Variants in LINS1 observed in about 807,000 individuals in gnomAD.
The protein encoded by LINS1 is lines homolog 1.
LINS1 carries 27 observed loss-of-function variants against 41.6 expected under a neutral mutation model. The ratio of observed to expected loss-of-function variants is 0.65; its 90% CI spans 0.48 to 0.89. The LOEUF is 0.89. Among genes scored for constraint, LINS1 ranks in the 40% least tolerant of loss-of-function variants. The pLI, the probability that LINS1 is intolerant of heterozygous loss-of-function variation, is 0.00. For synonymous variants in LINS1, 336 were observed against 312.9 expected, an observed-to-expected ratio of 1.07 and a Z score of -0.78; for missense variants, 955 against 884.1, an observed-to-expected ratio of 1.08 and a Z score of -1.02.
chr15:100,571,903 G>A lies in LINS1; in HGVS notation c.1385C>T (p.Thr462Ile), dbSNP rs746384358. 4 of 1,614,070 alleles carry A rather than the reference G, an allele frequency of 2.5e-6. No homozygotes were observed. The highest frequency in any genetic ancestry group is 3.4e-6 in the Non-Finnish European group (4 of 1,180,042). Reference sequence around the variant, plus strand: ...TTTAAAATACACTAACCTGGTCAGTGTTAAGTAGATGCCCAGTGATGCCTT... The same window carrying A: ...TTTAAAATACACTAACCTGGTCAGTATTAAGTAGATGCCCAGTGATGCCTT... ...AAKASLGIYL[T>I]LTRGCEATES... The change falls in exon 6 of 7, where the codon ACA becomes ATA. Residue 462 changes from threonine (T) to isoleucine (I), a missense_variant. By Grantham distance (89) the Thr-to-Ile change is moderately conservative (BLOSUM62 -1). Coordinates refer to ENST00000314742, the MANE Select transcript of LINS1 (RefSeq NM_001040616.3).
At chr15:100,595,991 G>C (rs2141359551) in intron 1 of LINS1, among the ~76,000 whole-genome samples, 1 of 152,312 alleles carries the variant, frequency 6.6e-6, no homozygotes, top group African/African-American at 2.4e-5. Flanking sequence ...AAAAGAAGTG[G>C]GGCAGATATC....
rs1322290419 is a variant in LINS1, at chr15:100,573,939, C to T, written c.934G>A (p.Gly312Ser). Reference sequence around the variant, plus strand: ...ACAGATCCACGACAGAGGTCTTCACCCACTTTACAGAGAAGGCACTTTTTG... The same window carrying T: ...ACAGATCCACGACAGAGGTCTTCACTCACTTTACAGAGAAGGCACTTTTTG... ...FLKKCLLCKV[G>S]EDLCRGSVPA... The change falls in exon 5 of 7, where the codon GGT (glycine) becomes AGT (serine). Residue 312 changes from glycine to serine, a missense_variant. Coordinates refer to ENST00000314742, the MANE Select transcript of LINS1 (RefSeq NM_001040616.3). 6 of 1,614,120 alleles carry T rather than the reference C, an allele frequency of 3.7e-6. No individual in the cohort carries two copies. The African/African-American group carries it at 6.7e-5, about 18-fold the overall frequency.
At chr15:100,584,362 A>G (rs1435270853) in intron 1 of LINS1, among the ~76,000 whole-genome samples, 1 of 152,178 alleles carries the variant, frequency 6.6e-6, no homozygotes, top group Non-Finnish European at 1.5e-5. Context: ...CCTAGTTTCA[A>G]CCCATAAAAA....
At chr15:100,577,351 G>A (rs980170760) in intron 3 of LINS1, among the ~76,000 whole-genome samples, 1 of 152,168 alleles carries the variant, frequency 6.6e-6, no homozygotes, top group Non-Finnish European at 1.5e-5. Context: ...AAATCAATGT[G>A]CAAAAATCAC....
In LINS1 at chr15:100,574,878, A is replaced by C. The variant is rs776363397; in HGVS notation, c.631+109T>G. 4.3e-6 allele frequency: 5 copies of C among 1,159,620 alleles called. No individual in the cohort carries two copies. The East Asian group carries it at 1.2e-4, about 27-fold the overall frequency. 71.8% of individuals were successfully genotyped at this position (1,159,620 alleles called of 1,614,324 possible). On this transcript the variant is annotated intron_variant, in intron 4 of 6. Transcript: ENST00000314742. ...TATATTGGAAGAGACTGACTTTTTC[A>C]TTACTTTAAGACAGATCAGATGTTC...
rs151041582 is a variant in LINS1 at position 100,575,510 on chromosome 15, C to A, written c.490-382G>T. ...ATATATGCACCCAATACAAGAGCAC[C>A]CAGATTCATAAAGCAACTCCTTAGA... On this transcript the variant is annotated intron_variant, in intron 3 of 6. Coordinates refer to ENST00000314742, the MANE Select transcript of LINS1 (RefSeq NM_001040616.3). Among the ~76,000 whole-genome samples the A allele has an allele frequency of 7.9e-4, 120 of 152,154 alleles. 1 individual carries two copies. Among genetic ancestry groups the A allele is most frequent in the Middle Eastern group, 3.4e-3 (1 of 294 alleles).
At chr15:100,572,799 A>G in intron 5 of LINS1, 1 of 955,468 alleles carries the variant, frequency 1.0e-6, no homozygotes, top group Non-Finnish European at 1.2e-6. Flanking sequence ...TCTGGAAATT[A>G]TATATGTAAC....
intron 6 of LINS1, among the ~76,000 whole-genome samples, chr15:100,571,351 G>T (rs1253409578): frequency 6.6e-6 from 1 of 152,196 alleles, no homozygotes; most frequent in Non-Finnish European, 1.5e-5. Flanking sequence ...TTTGCCACAA[G>T]AAGATATTAA....
chr15:100,595,239 C>T (rs2039195444), intron 1 of LINS1, among the ~76,000 whole-genome samples: 1 of 151,814 alleles, frequency 6.6e-6, no homozygotes, highest in African/African-American at 2.4e-5. Flanking sequence ...CAAAAAAACC[C>T]TAAGAAGATG....
intron 1 of LINS1, among the ~76,000 whole-genome samples, chr15:100,585,297 A>G (rs1337936545): frequency 2.0e-5 from 3 of 152,216 alleles, no homozygotes; most frequent in African/African-American, 4.8e-5. Context: ...GTCTAGTCCT[A>G]AACTCTTCTT....
chr15:100,581,595 T>C (rs903282593), intron 1 of LINS1, among the ~76,000 whole-genome samples: 2 of 152,198 alleles, frequency 1.3e-5, no homozygotes, highest in African/African-American at 4.8e-5. Flanking sequence ...AGAGGGAGTA[T>C]GGCAAGGAAA....
chr15:100,570,354 A>C, intron 6 of LINS1: 1 of 431,566 alleles, frequency 2.3e-6, no homozygotes, highest in Non-Finnish European at 4.1e-6. Flanking sequence ...TGCCCAATAA[A>C]AGTTACCTGT....
intron 3 of LINS1, among the ~76,000 whole-genome samples, chr15:100,575,735 C>T (rs547982053): frequency 5.9e-5 from 9 of 152,292 alleles, no homozygotes; most frequent in African/African-American, 2.2e-4. Flanking sequence ...TTCTCAGCAC[C>T]ACACCACACC....
chr15:100,574,281 G>C (rs1567718226), intron 4 of LINS1, 40 bp from the exon 5 acceptor site: 2 of 1,182,752 alleles, frequency 1.7e-6, no homozygotes, highest in Admixed American at 1.8e-5. Context: ...AGGAAAAACA[G>C]TCTTCTTCAA....
chr15:100,572,809 C>G (rs986288931), intron 5 of LINS1: 1 of 937,014 alleles, frequency 1.1e-6, no homozygotes, highest in African/African-American at 1.8e-5. Context: ...ATATATGTAA[C>G]AATTTCTTTG....
At position 100,569,963 on chromosome 15, in the gene LINS1, C is replaced by A; in HGVS notation, c.1549G>T (p.Glu517Ter). 6.3e-7 allele frequency: 1 copy of A among 1,577,378 alleles called. No individual in the cohort carries two copies. Reference protein sequence around the residue: ...TVLLDFLISSETCFLEYFVRY... With the variant: ...TVLLDFLISS ...ACAAAATATTCAAGAAAACAGGTTT[C>A]TGATGAAATCAAAAAGTCAAGAAGA... Residue 517 changes from glutamate to a stop codon, truncating the protein, a stop_gained, in exon 7 of 7, where the codon GAA (glutamate) becomes TAA (stop). Coordinates refer to ENST00000314742, the MANE Select transcript of LINS1 (RefSeq NM_001040616.3). LOFTEE classifies it low-confidence loss of function (END_TRUNC).
chr15:100,595,838 G>T (rs1021929493), intron 1 of LINS1, among the ~76,000 whole-genome samples: 20 of 152,320 alleles, frequency 1.3e-4, no homozygotes, highest in Non-Finnish European at 2.6e-4. Flanking sequence ...TAATGAAGAT[G>T]CAGTGACAAC....
At chr15:100,585,933 T>A (rs1180974795) in intron 1 of LINS1, among the ~76,000 whole-genome samples, 1 of 152,228 alleles carries the variant, frequency 6.6e-6, no homozygotes, top group Non-Finnish European at 1.5e-5. Flanking sequence ...GATGTCAGTG[T>A]TTGGCATAGA....
chr15:100,589,929 C>A (rs537679947), intron 1 of LINS1, among the ~76,000 whole-genome samples: 2 of 152,302 alleles, frequency 1.3e-5, no homozygotes, highest in Admixed American at 6.5e-5. Context: ...CTTCACAAAT[C>A]TAGAGCCTAA....
Sources: gnomAD v4.1 joint callset for allele counts (sites outside exome capture counted in the v4.1 genomes callset) on GRCh38, gnomAD v4.1.1 for gene constraint, MANE v1.5 for transcripts, NCBI Gene and HGNC (gene_info 2026-07-23, HGNC 2026-07-21) for gene names.